Variants in ALG9 observed in about 807,000 individuals in gnomAD.
ALG9 encodes ALG9 alpha-1,2-mannosyltransferase, also known as alpha-1,2-mannosyltransferase ALG9.
ALG9 carries 55 observed loss-of-function variants against 81.8 expected under a neutral mutation model. That is an observed-to-expected ratio of 0.67 (90% CI 0.54 to 0.84). ALG9 has a LOEUF of 0.84. Ranked by LOEUF, ALG9 falls within the 40% of genes least tolerant of loss-of-function variation. ALG9 has a pLI of 0.00. For missense variants in ALG9, 629 were observed against 745.0 expected, an observed-to-expected ratio of 0.84 and a Z score of 1.81; for synonymous variants, 278 against 274.3, an observed-to-expected ratio of 1.01 and a Z score of -0.13.
chr11:111,860,513 G>C lies in ALG9; in HGVS notation c.565+34C>G, dbSNP rs185789829. The C allele has an allele frequency of 1.8e-4, 288 of 1,571,062 alleles. 2 individuals carry two copies. Among genetic ancestry groups the C allele is most frequent in the Non-Finnish European group, 2.9e-5 (33 of 1,140,916 alleles). On this transcript the variant is annotated intron_variant, in intron 5 of 14. Coordinates refer to ENST00000616540, the MANE Select transcript of ALG9 (RefSeq NM_024740.2). ...TCTGCCCTTTTACTTACCTGGTGAT[G>C]ACCTGCAATTCCCTCATCTGCCCTT... is the stretch of plus-strand genomic sequence containing the variant.
At chr11:111,870,102 GTTTTTT>G (rs372396527) in intron 2 of ALG9, 124 bp downstream of exon 2, 1 of 863,200 alleles carries the variant, frequency 1.2e-6, no homozygotes, top group Non-Finnish European at 1.6e-6. Flanking sequence ...CTGTTTTTTT[GTTTTTT>G]TTTTTAAGAA....
chr11:111,820,515 G>A (rs1340534084), intron 13 of ALG9, among the ~76,000 whole-genome samples: 1 of 152,078 alleles, frequency 6.6e-6, no homozygotes, highest in African/African-American at 2.4e-5. Context: ...TATTCATGAG[G>A]GCAGATGTCC....
intron 13 of ALG9, among the ~76,000 whole-genome samples, chr11:111,815,913 T>G (rs1251597983): frequency 6.6e-6 from 1 of 152,178 alleles, no homozygotes; most frequent in African/African-American, 2.4e-5. Flanking sequence ...AAATAAATTA[T>G]CCTTGTTTCA....
chr11:111,804,822 T>C (rs148455789), intron 14 of ALG9, among the ~76,000 whole-genome samples: 2 of 152,336 alleles, frequency 1.3e-5, no homozygotes, highest in East Asian at 1.9e-4. Context: ...GCTGCAAGGA[T>C]GTGGAGCAAC....
At chr11:111,774,306 G>A in the ALG9 span, among the ~76,000 whole-genome samples, 4 of 152,094 alleles carry the variant, frequency 2.6e-5, no homozygotes, top group Non-Finnish European at 5.9e-5. Context: ...AACCCAGGAG[G>A]CACAGATTGC....
intron 13 of ALG9, among the ~76,000 whole-genome samples, chr11:111,821,578 A>G (rs2136586494): frequency 6.6e-6 from 1 of 152,168 alleles, no homozygotes; most frequent in Admixed American, 6.5e-5. Flanking sequence ...CATGTGTGTC[A>G]CTAATGAGAT....
chr11:111,788,469 C>G, intron 14 of ALG9: 1 of 453,966 alleles, frequency 2.2e-6, no homozygotes, highest in Non-Finnish European at 4.4e-6. Flanking sequence ...AATGGCCAGG[C>G]ACGGTGGCTC....
chr11:111,866,215 TG>T (rs1289778758), intron 3 of ALG9, among the ~76,000 whole-genome samples: 2 of 152,164 alleles, frequency 1.3e-5, no homozygotes, highest in Non-Finnish European at 2.9e-5. Flanking sequence ...GGGAATTACT[TG>T]AACCTGGGAG....
chr11:111,856,127 A>C (rs1216016169), intron 6 of ALG9, among the ~76,000 whole-genome samples: 1 of 151,926 alleles, frequency 6.6e-6, no homozygotes, highest in African/African-American at 2.4e-5. Context: ...AAATACAAAA[A>C]TTAGCTGGGC....
chr11:111,866,718 A>C (rs1488099770), intron 3 of ALG9, among the ~76,000 whole-genome samples: 1 of 151,630 alleles, frequency 6.6e-6, no homozygotes, highest in Non-Finnish European at 1.5e-5. Flanking sequence ...TGGAAATAAA[A>C]ACCCTCTGCA....
chr11:111,774,011 C>T, the ALG9 span, among the ~76,000 whole-genome samples: 1 of 143,342 alleles, frequency 7.0e-6, no homozygotes, highest in African/African-American at 2.6e-5. Flanking sequence ...CAGCCCATCT[C>T]GGCCTCCCAA....
At position 111,868,680 on chromosome 11, in the gene ALG9, A is replaced by G. The variant is rs1555155659; in HGVS notation, c.327T>C (p.Tyr109=). Residue 109 remains tyrosine, a synonymous_variant, in exon 3 of 15, where the codon TAT becomes TAC. Transcript: ENST00000616540. Reference sequence around the variant, plus strand: ...ACAGGTAAGCATAGGAGCGAATGGCATATGCTGGGGAATATTCCCAAGTCT... The same window carrying G: ...ACAGGTAAGCATAGGAGCGAATGGCGTATGCTGGGGAATATTCCCAAGTCT... ...GFQTWEYSPA[Y]AIRSYAYLLL... 6.2e-7 allele frequency: 1 copy of G among 1,613,656 alleles called. No individual in the cohort carries two copies. Among genetic ancestry groups the G allele is most frequent in the Non-Finnish European group, 8.5e-7 (1 of 1,179,698 alleles).
chr11:111,795,701 C>T (rs782364990), intron 14 of ALG9, among the ~76,000 whole-genome samples: 9 of 152,202 alleles, frequency 5.9e-5, no homozygotes, highest in Non-Finnish European at 1.0e-4. Context: ...ATCGTGGCAT[C>T]GTGAGACTGG....
At position 111,823,788 on chromosome 11, in the gene ALG9, T is replaced by C. The variant is rs577545695; in HGVS notation, c.1602+12377A>G. 3.1e-4 allele frequency among the ~76,000 whole-genome samples: 47 copies of C among 152,328 alleles called. No homozygotes were observed. The South Asian group carries it at 4.1e-3, about 13-fold the overall frequency. On this transcript the variant is annotated intron_variant, in intron 13 of 14. Coordinates refer to ENST00000616540, the MANE Select transcript of ALG9 (RefSeq NM_024740.2). ...TGGTAAATAAAGAAAGCTCCAATGGTTGTTTCCCTTCCCACTGTTCACATT... is the reference window on the plus strand; with the variant it reads ...TGGTAAATAAAGAAAGCTCCAATGGCTGTTTCCCTTCCCACTGTTCACATT...
intron 13 of ALG9, among the ~76,000 whole-genome samples, chr11:111,824,847 G>A (rs1357386259): frequency 6.6e-6 from 1 of 152,218 alleles, no homozygotes; most frequent in Non-Finnish European, 1.5e-5. Flanking sequence ...TAAGTTGCAT[G>A]AGGAAGGCAT....
chr11:111,832,100 T>C (rs781799161), intron 13 of ALG9, among the ~76,000 whole-genome samples: 11 of 152,186 alleles, frequency 7.2e-5, no homozygotes, highest in East Asian at 1.9e-4. Context: ...TTTGCTATTA[T>C]AACTTTTGTA....
At chr11:111,866,824 T>A (rs1406120254) in intron 3 of ALG9, among the ~76,000 whole-genome samples, 1 of 150,518 alleles carries the variant, frequency 6.6e-6, no homozygotes, top group Non-Finnish European at 1.5e-5. Flanking sequence ...CCAGGTGCAG[T>A]GGCTCACGCC....
downstream of ALG9, among the ~76,000 whole-genome samples, chr11:111,780,649 A>G (rs571739264): frequency 4.1e-3 from 617 of 152,242 alleles, 1 homozygote; most frequent in Non-Finnish European, 7.0e-3. Flanking sequence ...TGCCCGCCTC[A>G]GCCTCCCAAA....
intron 14 of ALG9, among the ~76,000 whole-genome samples, chr11:111,792,695 G>A (rs1164113825): frequency 2.0e-5 from 3 of 152,180 alleles, no homozygotes; most frequent in Admixed American, 1.3e-4. Context: ...AGGAAATAAG[G>A]AGGCATTTCT....
Sources: allele counts gnomAD v4.1 joint callset (sites outside exome capture counted in the v4.1 genomes callset), GRCh38; gene constraint gnomAD v4.1.1; transcripts MANE v1.5; gene names NCBI Gene and HGNC (gene_info 2026-07-23, HGNC 2026-07-21).